Variants in FBF1 observed in about 807,000 individuals in gnomAD.
The protein encoded by FBF1 is fas-binding factor 1.
FBF1 carries 119 observed loss-of-function variants against 147.2 expected under a neutral mutation model. The ratio of observed to expected loss-of-function variants is 0.81; its 90% CI spans 0.70 to 0.94. FBF1 has a LOEUF of 0.94. Ranked by LOEUF, FBF1 falls within the 40% of genes least tolerant of loss-of-function variation. The probability of loss-of-function intolerance (pLI) is 0.00; values close to 1 mark genes in which losing one functional copy is unlikely to be tolerated. For missense variants in FBF1, 1,449 were observed against 1,500.8 expected (o/e 0.97, Z 0.57); for synonymous variants, 601 against 609.0 (o/e 0.99, Z 0.19).
intron 1 of FBF1, among the ~76,000 whole-genome samples, chr17:75,938,518 TG>T (rs1170039372): frequency 4.0e-4 from 52 of 130,538 alleles, no homozygotes; most frequent in Middle Eastern, 9.3e-3. Flanking sequence ...ACCGCGCCAC[TG>T]CACTCCAACC....
chr17:75,928,055 T>C lies in FBF1; in HGVS notation c.397+21A>G. ...CGAGGAGCCGTCTCCCATGCACCTTTCTCACTGGCTACTGACCCACCTGCA... is the reference window on the plus strand; with the variant it reads ...CGAGGAGCCGTCTCCCATGCACCTTCCTCACTGGCTACTGACCCACCTGCA... On this transcript the variant is annotated intron_variant, in intron 8 of 29. Transcript: ENST00000636174. This position sits in a 1 kb window ranked among gnomAD's most constrained non-coding sequence, Gnocchi z 4.2. 1.9e-6 allele frequency: 3 copies of C among 1,599,156 alleles called. No homozygotes were observed. The highest frequency in any genetic ancestry group is 2.6e-6 in the Non-Finnish European group (3 of 1,167,936).
In FBF1 at chr17:75,925,281, CA is replaced by C; in HGVS notation, c.968+65del. ...TCTCGGGTGGGACAGGGGACAGCTG[CA>C]GGGGCCTGTCTTCCCAGTGGCCGAC... On this transcript the variant is annotated intron_variant, in intron 13 of 29. Coordinates refer to ENST00000636174, the MANE Select transcript of FBF1 (RefSeq NM_001319193.2). The surrounding 1 kb of genome is among the most constrained non-coding windows in gnomAD (Gnocchi z 5.0). 7.8e-7 allele frequency: 1 copy of C among 1,274,930 alleles called. No individual in the cohort carries two copies. The highest frequency in any genetic ancestry group is 1.1e-6 in the Non-Finnish European group (1 of 901,174). 79.0% of individuals were successfully genotyped at this position (1,274,930 alleles called of 1,614,324 possible).
In FBF1 at chr17:75,937,566, C is replaced by T; in HGVS notation, c.31G>A (p.Gly11Ser). MAPKTKKGCKGSIDDFLGDLL... is the reference protein window; with the variant it reads MAPKTKKGCKSSIDDFLGDLL... ...AGTAATGTTCCATCTCTCCACTCAC[C>T]TTTACATCCTTTCTTGGTTTTTGGT... The change falls in exon 3 of 30, where the codon GGC (glycine) becomes AGC (serine). Residue 11 changes from glycine (G) to serine (S), a missense_variant and splice_region_variant. Transcript: ENST00000636174. 1 of 1,613,936 alleles carries T rather than the reference C, an allele frequency of 6.2e-7. No homozygotes were observed. The highest frequency in any genetic ancestry group is 8.5e-7 in the Non-Finnish European group (1 of 1,179,874).
Position 75,923,730 on chromosome 17 carries a change from A to C in FBF1, c.969-89T>G. 7.6e-7 allele frequency: 1 copy of C among 1,308,686 alleles called. No homozygotes were observed. Among genetic ancestry groups the C allele is most frequent in the Non-Finnish European group, 1.0e-6 (1 of 966,206 alleles). The allele number at this position is 1,308,686 out of a possible 1,614,324, so 81.1% of individuals were successfully genotyped here. A position where few individuals can be genotyped will look rare whatever the true frequency, so the allele number is the denominator to read the frequency against. ...CCTGCAGCTGGGCGTCACGATGCCCAGGGACCCTGCACAGTCAGCTGAGGC... is the reference window on the plus strand; with the variant it reads ...CCTGCAGCTGGGCGTCACGATGCCCCGGGACCCTGCACAGTCAGCTGAGGC... On this transcript the variant is annotated intron_variant, in intron 13 of 29. Transcript: ENST00000636174. The surrounding 1 kb of genome is among the most constrained non-coding windows in gnomAD (Gnocchi z 4.1).
chr17:75,940,427 A>AT (rs1368290266), intron 1 of FBF1, among the ~76,000 whole-genome samples: 2 of 151,338 alleles, frequency 1.3e-5, no homozygotes, highest in South Asian at 2.1e-4. Context: ...AAATTTTAAA[A>AT]TTTTTTTTGT....
rs1376981615 is a variant in FBF1, at chr17:75,920,048, C to T, written c.1890G>A (p.Gln630=). 21 of 1,601,682 alleles carry T rather than the reference C, an allele frequency of 1.3e-5. No individual in the cohort carries two copies. The highest frequency in any genetic ancestry group is 1.8e-5 in the Non-Finnish European group (21 of 1,174,592). The change falls in exon 19 of 30, where the codon CAG becomes CAA. Residue 630 remains glutamine (Q), a synonymous_variant. Transcript: ENST00000636174. ...TGAGCTCCAGGTCTGCCTGGTGCTG[C>T]TGCTGCAGACTCCCCAGCAGCAGCT... ...QHELLLGSLQ[Q]QHQADLELIE...
chr17:75,916,723 C>T (rs574464974), intron 23 of FBF1, among the ~76,000 whole-genome samples: 1 of 152,072 alleles, frequency 6.6e-6, no homozygotes, highest in Non-Finnish European at 1.5e-5. Flanking sequence ...GTGGTAGCAT[C>T]GAAAGATTCA....
intron 25 of FBF1, 73 bp downstream of exon 25, chr17:75,914,674 G>C: frequency 7.1e-7 from 1 of 1,416,344 alleles, no homozygotes; most frequent in African/African-American, 1.4e-5. Context: ...CCTAAGACTG[G>C]AAGCGGATGT....
chr17:75,917,008 G>A lies in FBF1; in HGVS notation c.2505+724C>T, dbSNP rs1014919302. ...TGGGATTACAGGCGTGCGCCACCACGCCTGGCTAGTTTCTTATTTCTTTAT... is the reference window on the plus strand; with the variant it reads ...TGGGATTACAGGCGTGCGCCACCACACCTGGCTAGTTTCTTATTTCTTTAT... On this transcript the variant is annotated intron_variant, in intron 23 of 29. Transcript: ENST00000636174. 3.3e-5 allele frequency among the ~76,000 whole-genome samples: 5 copies of A among 152,136 alleles called. No individual in the cohort carries two copies. In the South Asian group the frequency reaches 6.2e-4, roughly 19 times the overall value.
chr17:75,922,189 C>T lies in FBF1; in HGVS notation c.1425-143G>A. The stretch of plus-strand genomic sequence containing the variant: ...CACCATCCCGTCTTGGGGCATTCTC[C>T]TCCCACGTCTGAGCTCCTGGGATTT... On this transcript the variant is annotated intron_variant, in intron 14 of 29. Coordinates refer to ENST00000636174, the MANE Select transcript of FBF1 (RefSeq NM_001319193.2). This position sits in a 1 kb window ranked among gnomAD's most constrained non-coding sequence, Gnocchi z 5.0. 1 of 638,002 alleles carries T rather than the reference C, an allele frequency of 1.6e-6. No individual in the cohort carries two copies. The highest frequency in any genetic ancestry group is 2.7e-6 in the Non-Finnish European group (1 of 370,812). 39.5% of individuals were successfully genotyped at this position (638,002 alleles called of 1,614,324 possible). A position where few individuals can be genotyped will look rare whatever the true frequency, so the allele number is the denominator to read the frequency against.
chr17:75,932,881 A>T, intron 5 of FBF1, 114 bp downstream of exon 5: 1 of 570,654 alleles, frequency 1.8e-6, no homozygotes, highest in Non-Finnish European at 2.6e-6. Context: ...TATTCTCTAA[A>T]AAAAAAAAAA....
chr17:75,934,671 G>T (rs1291751155), intron 4 of FBF1, among the ~76,000 whole-genome samples: 2 of 152,010 alleles, frequency 1.3e-5, no homozygotes, highest in Admixed American at 6.6e-5. Flanking sequence ...CTGAGGTTGG[G>T]AGTTCGAGAC....
At position 75,928,198 on chromosome 17, in the gene FBF1, A is replaced by G. The variant is rs1360717900; in HGVS notation, c.280-5T>C. On this transcript the variant is annotated splice_region_variant and splice_polypyrimidine_tract_variant and intron_variant, in intron 7 of 29. Coordinates refer to ENST00000636174, the MANE Select transcript of FBF1 (RefSeq NM_001319193.2). This position sits in a 1 kb window ranked among gnomAD's most constrained non-coding sequence, Gnocchi z 4.2. Reference sequence around the variant, plus strand: ...AGCATCCATGCCGTCCAGGTCCTAGAAAACCAGGGAGGGAGGGCAGAGGAC... The same window carrying G: ...AGCATCCATGCCGTCCAGGTCCTAGGAAACCAGGGAGGGAGGGCAGAGGAC... 6.2e-7 allele frequency: 1 copy of G among 1,613,284 alleles called. No individual in the cohort carries two copies. Among genetic ancestry groups the G allele is most frequent in the South Asian group, 1.1e-5 (1 of 91,056 alleles).
chr17:75,926,502 G>A, intron 10 of FBF1, 76 bp from the exon 11 acceptor site: 1 of 1,466,938 alleles, frequency 6.8e-7, no homozygotes, highest in Non-Finnish European at 9.0e-7. Context: ...GTTGGGGGTG[G>A]TTTCTCTGCA....
chr17:75,916,995 C>G (rs887033523), intron 23 of FBF1, among the ~76,000 whole-genome samples: 5 of 152,206 alleles, frequency 3.3e-5, no homozygotes, highest in African/African-American at 7.2e-5. Flanking sequence ...GGATTACAGG[C>G]GTGCGCCACC....
intron 7 of FBF1, among the ~76,000 whole-genome samples, chr17:75,929,687 G>T (rs2065582651): frequency 1.3e-5 from 2 of 152,124 alleles, no homozygotes; most frequent in African/African-American, 4.8e-5. Context: ...TTAGAGGAAA[G>T]AGTCTCCCCC....
Position 75,928,164 on chromosome 17 carries a change from T to C in FBF1, c.309A>G (p.Leu103=). 1.9e-6 allele frequency: 3 copies of C among 1,613,826 alleles called. No individual in the cohort carries two copies. The highest frequency in any genetic ancestry group is 1.3e-5 in the African/African-American group (1 of 75,000). Residue 103 remains leucine, a synonymous_variant, in exon 8 of 30, where the codon TTA becomes TTG. Coordinates refer to ENST00000636174, the MANE Select transcript of FBF1 (RefSeq NM_001319193.2). The surrounding 1 kb of genome is among the most constrained non-coding windows in gnomAD (Gnocchi z 4.2). ...KDLDGMDADI[L]GLKKSNSAPS... is the part of the protein sequence containing the mutation. ...GGGCTGAATTAGATTTCTTCAGACC[T>C]AAGATATCAGCATCCATGCCGTCCA...
At chr17:75,929,901 G>A in intron 7 of FBF1, 96 bp downstream of exon 7, 1 of 1,118,110 alleles carries the variant, frequency 8.9e-7, no homozygotes. Context: ...GGTTGTAAAG[G>A]GAGAAATTAG....
At chr17:75,914,484 G>A (rs73997658) in intron 25 of FBF1, 186 bp from the exon 26 acceptor site, 139 of 970,918 alleles carry the variant, frequency 1.4e-4, no homozygotes, top group African/African-American at 1.2e-3. Flanking sequence ...ACGTGACTGT[G>A]GCAGGCTCAA....
Sources: gnomAD v4.1 joint callset for allele counts (sites outside exome capture counted in the v4.1 genomes callset) on GRCh38, gnomAD v4.1.1 for gene constraint, Gnocchi (gnomAD v3.1) non-coding constraint, MANE v1.5 for transcripts, NCBI Gene and HGNC (gene_info 2026-07-23, HGNC 2026-07-21) for gene names.